Variants in ATG7 observed in about 807,000 individuals in gnomAD.
The protein encoded by ATG7 is ubiquitin-like modifier-activating enzyme ATG7.
Under a neutral mutation model 82.4 loss-of-function variants are expected in ATG7, and 70 were observed. The observed-to-expected ratio is 0.85, with a 90% CI of 0.70 to 1.04. ATG7 has a LOEUF of 1.04. Among genes scored for constraint, ATG7 ranks in the 50% least tolerant of loss-of-function variants. ATG7 has a pLI of 0.00. For synonymous variants in ATG7, 287 were observed against 313.0 expected, an observed-to-expected ratio of 0.92 and a Z score of 0.88; for missense variants, 792 against 864.3, an observed-to-expected ratio of 0.92 and a Z score of 1.05.
intron 20 of ATG7, among the ~76,000 whole-genome samples, chr3:11,444,876 C>T (rs547982839): frequency 0.026 from 3,888 of 152,090 alleles, 66 homozygotes; most frequent in Middle Eastern, 0.037. Context: ...AGGAAAAAAC[C>T]CCATTAAAAA....
At chr3:11,507,967 A>C (rs1450867890) in intron 20 of ATG7, among the ~76,000 whole-genome samples, 4 of 152,168 alleles carry the variant, frequency 2.6e-5, no homozygotes, top group South Asian at 2.1e-4. Context: ...AAAAAACAAA[A>C]AAACAAAAAA....
intron 1 of ATG7, among the ~76,000 whole-genome samples, chr3:11,277,041 C>A (rs1299831277): frequency 6.6e-6 from 1 of 152,212 alleles, no homozygotes; most frequent in East Asian, 1.9e-4. Flanking sequence ...TCCTCTGGTA[C>A]TAGCCCTCCT....
chr3:11,546,622 A>C (rs1245936265), intron 20 of ATG7, among the ~76,000 whole-genome samples: 1 of 152,224 alleles, frequency 6.6e-6, no homozygotes, highest in Non-Finnish European at 1.5e-5. Flanking sequence ...AATGGGACCC[A>C]AGTTTGAAAT....
At chr3:11,374,410 A>G (rs2077238769) in intron 18 of ATG7, among the ~76,000 whole-genome samples, 1 of 152,256 alleles carries the variant, frequency 6.6e-6, no homozygotes, top group African/African-American at 2.4e-5. Context: ...CCTTTATTTC[A>G]TACCATGTTA....
intron 20 of ATG7, among the ~76,000 whole-genome samples, chr3:11,531,394 G>T (rs1352632393): frequency 6.6e-6 from 1 of 152,142 alleles, no homozygotes. Flanking sequence ...ATGCACTGGG[G>T]TGCAACCCAC....
At chr3:11,275,299 A>G (rs1354873482) in intron 1 of ATG7, among the ~76,000 whole-genome samples, 1 of 151,100 alleles carries the variant, frequency 6.6e-6, no homozygotes, top group Non-Finnish European at 1.5e-5. Context: ...TCTGTCGTCC[A>G]CTTCTACCCA....
chr3:11,455,232 A>C (rs550182343), intron 20 of ATG7, among the ~76,000 whole-genome samples: 2 of 152,318 alleles, frequency 1.3e-5, no homozygotes, highest in East Asian at 3.9e-4. Context: ...TTCATGAAGC[A>C]AGTTATTGAT....
intron 18 of ATG7, among the ~76,000 whole-genome samples, chr3:11,372,813 T>C (rs74938850): frequency 8.8e-5 from 7 of 79,360 alleles, no homozygotes; most frequent in African/African-American, 1.6e-4. Context: ...TGTGTGTGTG[T>C]GTGCGCGCGT....
At chr3:11,414,984 G>C (rs962127338) in intron 19 of ATG7, among the ~76,000 whole-genome samples, 2 of 152,174 alleles carry the variant, frequency 1.3e-5, no homozygotes, top group African/African-American at 4.8e-5. Context: ...AAATGTGTTT[G>C]GTGATTTCAT....
At chr3:11,460,300 T>A (rs993671186) in intron 20 of ATG7, among the ~76,000 whole-genome samples, 18 of 152,232 alleles carry the variant, frequency 1.2e-4, no homozygotes, top group Non-Finnish European at 2.4e-4. Flanking sequence ...TGTCCTTCGG[T>A]ATCTTATCTA....
intron 20 of ATG7, among the ~76,000 whole-genome samples, chr3:11,458,707 G>T (rs1009253063): frequency 6.6e-6 from 1 of 152,084 alleles, no homozygotes; most frequent in African/African-American, 2.4e-5. Flanking sequence ...GAAAATAAAC[G>T]CACAGGATAA....
intron 9 of ATG7, among the ~76,000 whole-genome samples, chr3:11,322,686 T>C (rs1462690191): frequency 6.6e-6 from 1 of 152,250 alleles, no homozygotes; most frequent in Non-Finnish European, 1.5e-5. Flanking sequence ...ATATTTCTCA[T>C]AATTTTTTCA....
At chr3:11,312,923 T>A (rs1948886085) in intron 7 of ATG7, among the ~76,000 whole-genome samples, 1 of 152,196 alleles carries the variant, frequency 6.6e-6, no homozygotes, top group Non-Finnish European at 1.5e-5. Flanking sequence ...TTGTTTAGGT[T>A]TTTTACCCCT....
downstream of ATG7, among the ~76,000 whole-genome samples, chr3:11,560,668 G>A (rs2072898847): frequency 6.6e-6 from 1 of 152,206 alleles, no homozygotes; most frequent in Admixed American, 6.5e-5. Context: ...GGTCTAACAA[G>A]AAGCGACACA....
rs569748473 is a variant in ATG7, at chr3:11,306,142, T to C, written c.216-801T>C. On this transcript the variant is annotated intron_variant, in intron 5 of 20. Transcript: ENST00000693202. Reference sequence around the variant, plus strand: ...GACTGTGAGGCCTTTGGGGGCAATGTAGAGTGTGTAAACCTGGTGGCACGA... The same window carrying C: ...GACTGTGAGGCCTTTGGGGGCAATGCAGAGTGTGTAAACCTGGTGGCACGA... Among the ~76,000 whole-genome samples the C allele has an allele frequency of 2.6e-5, 4 of 152,270 alleles. No homozygotes were observed. The East Asian group carries it at 7.7e-4, about 29-fold the overall frequency.
At chr3:11,521,773 C>T (rs1353286626) in intron 20 of ATG7, among the ~76,000 whole-genome samples, 3 of 151,872 alleles carry the variant, frequency 2.0e-5, no homozygotes, top group East Asian at 1.9e-4. Context: ...AGGATGGTCT[C>T]GATCTCCTGA....
intron 18 of ATG7, among the ~76,000 whole-genome samples, chr3:11,374,676 C>A (rs367836832): frequency 9.9e-5 from 15 of 151,930 alleles, no homozygotes; most frequent in Non-Finnish European, 1.6e-4. Context: ...GAGTCCGAGG[C>A]GGGCAGATCG....
intron 20 of ATG7, among the ~76,000 whole-genome samples, chr3:11,481,552 T>C (rs1248721594): frequency 1.3e-5 from 2 of 152,198 alleles, no homozygotes; most frequent in African/African-American, 2.4e-5. Context: ...TTACCTAAGA[T>C]CTTATCTAAG....
At chr3:11,458,403 A>G (rs925414564) in intron 20 of ATG7, among the ~76,000 whole-genome samples, 2 of 152,070 alleles carry the variant, frequency 1.3e-5, no homozygotes, top group African/African-American at 4.8e-5. Flanking sequence ...AGCTGGGACT[A>G]CAGGCGCCCA....
Sources: allele counts gnomAD v4.1 joint callset (sites outside exome capture counted in the v4.1 genomes callset), GRCh38; gene constraint gnomAD v4.1.1; transcripts MANE v1.5; gene names NCBI Gene and HGNC (gene_info 2026-07-23, HGNC 2026-07-21).